Variants in GRM3 observed in about 807,000 individuals in gnomAD.
GRM3 encodes glutamate metabotropic receptor 3, also known as metabotropic glutamate receptor 3.
Under a neutral mutation model 70.5 loss-of-function variants are expected in GRM3, and 26 were observed. That is an observed-to-expected ratio of 0.37 (90% CI 0.27 to 0.51). The LOEUF is 0.51. Ranked by LOEUF, GRM3 falls within the 20% of genes least tolerant of loss-of-function variation. The pLI is 0.93. For missense variants in GRM3, 859 were observed against 1,123.8 expected (o/e 0.76, Z 3.37); for synonymous variants, 443 against 434.9 (o/e 1.02, Z -0.23).
intron 1 of GRM3, among the ~76,000 whole-genome samples, chr7:86,654,387 A>C (rs879724794): frequency 1.3e-5 from 2 of 152,200 alleles, no homozygotes; most frequent in African/African-American, 2.4e-5. Context: ...CAAAACTGTT[A>C]AACTGTTGAA....
At chr7:86,848,759 C>G (rs1049942368) in intron 4 of GRM3, among the ~76,000 whole-genome samples, 1 of 152,152 alleles carries the variant, frequency 6.6e-6, no homozygotes, top group African/African-American at 2.4e-5. Context: ...AGGACTACCT[C>G]AAGACAGTAG....
At chr7:86,838,813 T>C (rs1172335739) in intron 3 of GRM3, 26 bp from the exon 4 acceptor site, 1 of 1,374,420 alleles carries the variant, frequency 7.3e-7, no homozygotes, top group East Asian at 2.3e-5. Context: ...AGTGTTCTTT[T>C]TTTTCTTTCA....
chr7:86,847,597 G>A (rs897742337), intron 4 of GRM3, among the ~76,000 whole-genome samples: 1 of 152,066 alleles, frequency 6.6e-6, no homozygotes, highest in African/African-American at 2.4e-5. Context: ...ACTAAGCTCT[G>A]GGGAACTCCA....
intron 5 of GRM3, among the ~76,000 whole-genome samples, chr7:86,863,902 C>G (rs554563443): frequency 5.5e-4 from 84 of 152,262 alleles, no homozygotes; most frequent in South Asian, 6.2e-4. Context: ...GAGGTATGTT[C>G]CAGGTTGCAA....
rs185891035 is a variant in GRM3 at position 86,730,496 on chromosome 7, G to A, written c.-140-34510G>A. ...AAGTGTAAAGGGCTTCACTAGAAAG[G>A]GATGGCCCAGCAGTTGACTTCTTAG... On this transcript the variant is annotated intron_variant, in intron 1 of 5. Coordinates refer to ENST00000361669, the MANE Select transcript of GRM3 (RefSeq NM_000840.3). 1.8e-4 allele frequency among the ~76,000 whole-genome samples: 28 copies of A among 152,304 alleles called. No homozygotes were observed. In the East Asian group the frequency reaches 5.4e-3, roughly 29 times the overall value.
intron 3 of GRM3, among the ~76,000 whole-genome samples, chr7:86,818,560 G>A (rs1798060302): frequency 6.6e-6 from 1 of 152,212 alleles, no homozygotes; most frequent in South Asian, 2.1e-4. Context: ...GATGATGTAT[G>A]TAAAGCACAA....
At position 86,838,998 on chromosome 7, in the gene GRM3, A is replaced by G; in HGVS notation, c.1484A>G (p.Asn495Ser). The change falls in exon 4 of 6, where the codon AAC becomes AGC. Residue 495 changes from asparagine to serine, a missense_variant. Coordinates refer to ENST00000361669, the MANE Select transcript of GRM3 (RefSeq NM_000840.3). ...HWAETLSLDVNSIHWSRNSVP... is the reference protein window; with the variant it reads ...HWAETLSLDVSSIHWSRNSVP... ...GCAGAAACCTTATCGCTAGATGTCAACTCTATCCACTGGTCCCGGAACTCA... is the reference window on the plus strand; with the variant it reads ...GCAGAAACCTTATCGCTAGATGTCAGCTCTATCCACTGGTCCCGGAACTCA... The G allele has an allele frequency of 2.5e-6, 4 of 1,614,042 alleles. No homozygotes were observed. Among genetic ancestry groups the G allele is most frequent in the Admixed American group, 1.7e-5 (1 of 60,018 alleles).
intron 3 of GRM3, among the ~76,000 whole-genome samples, chr7:86,790,080 T>G (rs1797367643): frequency 6.6e-6 from 1 of 152,136 alleles, no homozygotes. Flanking sequence ...CATGCCTCTA[T>G]TTTTGCCTGC....
chr7:86,662,558 T>C (rs1454813028), intron 1 of GRM3, among the ~76,000 whole-genome samples: 1 of 151,972 alleles, frequency 6.6e-6, no homozygotes. Context: ...ATTTTACTGA[T>C]AATAAATTAT....
chr7:86,648,954 A>G (rs563306003), intron 1 of GRM3, among the ~76,000 whole-genome samples: 1 of 152,260 alleles, frequency 6.6e-6, no homozygotes, highest in East Asian at 1.9e-4. Flanking sequence ...ACACTTAGCA[A>G]GTCAAGAAAA....
intron 3 of GRM3, among the ~76,000 whole-genome samples, chr7:86,835,231 G>A (rs1027413485): frequency 5.9e-5 from 9 of 151,928 alleles, no homozygotes; most frequent in Admixed American, 4.6e-4. Flanking sequence ...ATAAATTATT[G>A]TATGGTAATA....
chr7:86,786,595 ACG>A lies in GRM3; in HGVS notation c.810_811del (p.Val271ArgfsTer149). On this transcript the variant is annotated frameshift_variant, in exon 3 of 6. Transcript: ENST00000361669. LOFTEE classifies it high-confidence loss of function. The surrounding 1 kb of genome is among the most constrained non-coding windows in gnomAD (Gnocchi z 6.0). Reference sequence around the variant, plus strand: ...ATCCGAGAACTGTTGCAGAAGCCCAACGCGCGCGTCGTGGTCCTCTTCATGCG... The same window carrying A: ...ATCCGAGAACTGTTGCAGAAGCCCAACGCGCGTCGTGGTCCTCTTCATGCG... The A allele has an allele frequency of 6.2e-7, 1 of 1,613,718 alleles. No homozygotes were observed. Among genetic ancestry groups the A allele is most frequent in the Non-Finnish European group, 8.5e-7 (1 of 1,180,032 alleles).
chr7:86,644,657 G>A lies in GRM3; in HGVS notation c.-356G>A. 1.8e-6 allele frequency: 1 copy of A among 542,990 alleles called. No individual in the cohort carries two copies. The highest frequency in any genetic ancestry group is 3.3e-6 in the Non-Finnish European group (1 of 306,594). The allele number at this position is 542,990 out of a possible 1,614,324, so 33.6% of individuals were successfully genotyped here. ...CAGCGTGCAGCCGGGAGGGGGCAGG[G>A]GCAGGGGGCACTGTGACAGGAAGCT... On this transcript the variant is annotated 5_prime_UTR_variant, in exon 1 of 6. Transcript: ENST00000361669.
intron 1 of GRM3, among the ~76,000 whole-genome samples, chr7:86,646,806 T>C (rs1289045054): frequency 6.6e-6 from 1 of 152,118 alleles, no homozygotes; most frequent in Non-Finnish European, 1.5e-5. Context: ...AACAAGAAAA[T>C]GTGTGGAAAG....
At chr7:86,683,726 G>T (rs1027773923) in intron 1 of GRM3, among the ~76,000 whole-genome samples, 3 of 152,096 alleles carry the variant, frequency 2.0e-5, no homozygotes, top group African/African-American at 7.2e-5. Flanking sequence ...CCTTGAAGGA[G>T]GTCTTAAGAC....
At chr7:86,829,583 T>A (rs1258140469) in intron 3 of GRM3, among the ~76,000 whole-genome samples, 2 of 152,162 alleles carry the variant, frequency 1.3e-5, no homozygotes, top group East Asian at 3.8e-4. Context: ...TAAATATTGT[T>A]GTGTCTCAGG....
chr7:86,649,611 T>C (rs1208830870), intron 1 of GRM3, among the ~76,000 whole-genome samples: 2 of 151,954 alleles, frequency 1.3e-5, no homozygotes, highest in Non-Finnish European at 2.9e-5. Context: ...CATATTTGAG[T>C]AAATTCAGTT....
chr7:86,845,899 G>A (rs1798646497), intron 4 of GRM3, among the ~76,000 whole-genome samples: 1 of 152,152 alleles, frequency 6.6e-6, no homozygotes, highest in Non-Finnish European at 1.5e-5. Context: ...AGAGCCTATA[G>A]CTTTCTGGCT....
chr7:86,760,378 C>T (rs185022956), intron 1 of GRM3, among the ~76,000 whole-genome samples: 1 of 152,224 alleles, frequency 6.6e-6, no homozygotes, highest in East Asian at 1.9e-4. Flanking sequence ...GAGCAGGTTG[C>T]CTACAGAGAG....
Sources: allele counts gnomAD v4.1 joint callset (sites outside exome capture counted in the v4.1 genomes callset), GRCh38; gene constraint gnomAD v4.1.1; non-coding constraint Gnocchi (gnomAD v3.1); transcripts MANE v1.5; gene names NCBI Gene and HGNC (gene_info 2026-07-23, HGNC 2026-07-21).